The following ADAMTSL1 variants were observed in gnomAD, a reference collection of about 807,000 sequenced individuals.
ADAMTSL1 encodes the protein ADAMTS-like protein 1.
A neutral mutation model predicts 201.8 loss-of-function variants in ADAMTSL1; 126 were observed. The ratio of observed to expected loss-of-function variants is 0.62; its 90% confidence interval spans 0.54 to 0.72. The LOEUF is 0.72. ADAMTSL1 is among the 30% of genes least tolerant of loss of function. The pLI is 0.00. For synonymous variants in ADAMTSL1, 1,121 were observed against 903.4 expected, an observed-to-expected ratio of 1.24 and a Z score of -4.32; for missense variants, 2,679 against 2,277.8, an observed-to-expected ratio of 1.18 and a Z score of -3.59.
At chr9:18,746,539 CA>C (rs1819155023) in intron 15 of ADAMTSL1, among the ~76,000 whole-genome samples, 1 of 152,110 alleles carries the variant, frequency 6.6e-6, no homozygotes, top group Non-Finnish European at 1.5e-5. Context: ...TGCTCCTAAC[CA>C]AAACTTCATT....
chr9:18,557,632 A>G (rs1564045142), intron 3 of ADAMTSL1, among the ~76,000 whole-genome samples: 1 of 152,024 alleles, frequency 6.6e-6, no homozygotes, highest in Non-Finnish European at 1.5e-5. Flanking sequence ...AGACAATATC[A>G]AGTGGTTTGT....
chr9:18,698,792 T>A (rs918860287), intron 13 of ADAMTSL1, among the ~76,000 whole-genome samples: 5 of 152,186 alleles, frequency 3.3e-5, no homozygotes, highest in Non-Finnish European at 5.9e-5. Flanking sequence ...AGGATTAGAT[T>A]TGTTAAGAAT....
chr9:18,098,411 T>G (rs1824348902), intron 1 of ADAMTSL1, among the ~76,000 whole-genome samples: 1 of 152,172 alleles, frequency 6.6e-6, no homozygotes, highest in South Asian at 2.1e-4. Flanking sequence ...AGATCTTTAA[T>G]TTCTCTTTGC....
chr9:18,399,592 C>T (rs1817905282), intron 2 of ADAMTSL1, among the ~76,000 whole-genome samples: 1 of 151,726 alleles, frequency 6.6e-6, no homozygotes, highest in South Asian at 2.1e-4. Context: ...CTCAAGTGAT[C>T]TACCCGCCTC....
chr9:18,816,975 C>A, intron 20 of ADAMTSL1, 134 bp from the exon 21 acceptor site: 1 of 1,181,896 alleles, frequency 8.5e-7, no homozygotes, highest in Non-Finnish European at 1.2e-6. Flanking sequence ...TGCAATTTTT[C>A]AAGAGAAAAC....
chr9:17,964,678 A>C (rs1817907159), intron 1 of ADAMTSL1, among the ~76,000 whole-genome samples: 1 of 152,160 alleles, frequency 6.6e-6, no homozygotes, highest in African/African-American at 2.4e-5. Flanking sequence ...CTTGTACTGT[A>C]GTGGTAGAAG....
chr9:18,209,758 C>G (rs1829795178), intron 2 of ADAMTSL1, among the ~76,000 whole-genome samples: 1 of 152,106 alleles, frequency 6.6e-6, no homozygotes, highest in East Asian at 1.9e-4. Context: ...TGATTATTTC[C>G]TCTTTGTTCT....
intron 1 of ADAMTSL1, among the ~76,000 whole-genome samples, chr9:18,100,467 C>A (rs1780147566): frequency 6.6e-6 from 1 of 152,124 alleles, no homozygotes; most frequent in Admixed American, 6.5e-5. Context: ...CCATGCCTGG[C>A]TAATTTCCCT....
At chr9:18,291,756 C>G (rs1013367429) in intron 2 of ADAMTSL1, among the ~76,000 whole-genome samples, 18 of 130,746 alleles carry the variant, frequency 1.4e-4, no homozygotes, top group Non-Finnish European at 2.9e-4. Context: ...CTCACACACA[C>G]ACACACACAC....
Position 18,826,573 on chromosome 9 carries a change from A to G in ADAMTSL1, c.4114+110A>G, listed in dbSNP as rs542961069. The G allele has an allele frequency of 1.1e-5, 14 of 1,293,830 alleles. No individual in the cohort carries two copies. In the African/African-American group the frequency reaches 1.3e-4, roughly 12 times the overall value. The allele number at this position is 1,293,830 out of a possible 1,614,324, so 80.1% of individuals were successfully genotyped here. On this transcript the variant is annotated intron_variant, in intron 22 of 28. Coordinates refer to ENST00000380548, the MANE Select transcript of ADAMTSL1 (RefSeq NM_001040272.6). ...TCCAATTAAGGACATAAAAGGTAAA[A>G]TTGATATCCCTTCACTTCTTCCCAA...
chr9:18,025,690 C>T (rs188474858), intron 1 of ADAMTSL1, among the ~76,000 whole-genome samples: 1 of 151,972 alleles, frequency 6.6e-6, no homozygotes, highest in African/African-American at 2.4e-5. Flanking sequence ...TAATGTGATG[C>T]CTCTAGCTTT....
At chr9:18,224,318 A>G (rs1033587105) in intron 2 of ADAMTSL1, among the ~76,000 whole-genome samples, 6 of 152,106 alleles carry the variant, frequency 3.9e-5, no homozygotes, top group Non-Finnish European at 7.4e-5. Flanking sequence ...CCTCCAGAGG[A>G]GGGGAGTGCT....
chr9:18,764,806 A>G (rs961179979), intron 16 of ADAMTSL1, among the ~76,000 whole-genome samples: 2 of 152,226 alleles, frequency 1.3e-5, no homozygotes, highest in African/African-American at 4.8e-5. Flanking sequence ...CTTTATGTAT[A>G]CATCAAAATT....
chr9:17,938,685 C>A (rs901046728), intron 1 of ADAMTSL1, among the ~76,000 whole-genome samples: 2 of 152,152 alleles, frequency 1.3e-5, no homozygotes, highest in African/African-American at 4.8e-5. Context: ...AGAGATTTCC[C>A]AGTCATCTTC....
intron 1 of ADAMTSL1, among the ~76,000 whole-genome samples, chr9:18,492,053 A>T (rs1281353384): frequency 6.6e-6 from 1 of 152,214 alleles, no homozygotes; most frequent in Non-Finnish European, 1.5e-5. Flanking sequence ...TACTAAGACA[A>T]TAGTAACTGA....
At chr9:18,557,727 C>G (rs1821187882) in intron 3 of ADAMTSL1, among the ~76,000 whole-genome samples, 1 of 151,980 alleles carries the variant, frequency 6.6e-6, no homozygotes, top group African/African-American at 2.4e-5. Context: ...TTTAATTGCT[C>G]TAGAAAGTGC....
intron 2 of ADAMTSL1, among the ~76,000 whole-genome samples, chr9:18,224,577 C>T (rs1830376933): frequency 6.6e-6 from 1 of 152,138 alleles, no homozygotes; most frequent in Non-Finnish European, 1.5e-5. Flanking sequence ...TCAATTTCAT[C>T]TCAATGTCCC....
intron 2 of ADAMTSL1, among the ~76,000 whole-genome samples, chr9:18,263,577 C>T (rs979418277): frequency 3.3e-5 from 5 of 152,176 alleles, no homozygotes; most frequent in African/African-American, 1.2e-4. Flanking sequence ...AATTCCGAAG[C>T]CAAATTTTTA....
chr9:18,862,436 A>G (rs1321420539), intron 23 of ADAMTSL1, among the ~76,000 whole-genome samples: 1 of 152,162 alleles, frequency 6.6e-6, no homozygotes, highest in Non-Finnish European at 1.5e-5. Flanking sequence ...CACTCAAGAG[A>G]AGGGAATATT....
Sources: allele counts gnomAD v4.1 joint callset (sites outside exome capture counted in the v4.1 genomes callset), GRCh38; gene constraint gnomAD v4.1.1; transcripts MANE v1.5; gene names NCBI Gene and HGNC (gene_info 2026-07-23, HGNC 2026-07-21).